GRIK4: variants seen among roughly 807,000 people sequenced by gnomAD.
The protein encoded by GRIK4 is glutamate ionotropic receptor kainate type subunit 4.
Under a neutral mutation model 104.9 loss-of-function variants are expected in GRIK4, and 40 were observed. That is an observed-to-expected ratio of 0.38 (90% CI 0.30 to 0.50). The LOEUF (loss-of-function observed/expected upper bound fraction) is 0.50. GRIK4 is among the 20% of genes least tolerant of loss of function. The probability of loss-of-function intolerance (pLI) is 0.93; values close to 1 mark genes in which losing one functional copy is unlikely to be tolerated. For missense variants in GRIK4, 1,047 were observed against 1,308.1 expected, an observed-to-expected ratio of 0.80 and a Z score of 3.08; for synonymous variants, 485 against 524.9, an observed-to-expected ratio of 0.92 and a Z score of 1.04.
At chr11:120,828,886 A>G (rs1286003852) in intron 6 of GRIK4, among the ~76,000 whole-genome samples, 1 of 152,118 alleles carries the variant, frequency 6.6e-6, no homozygotes, top group African/African-American at 2.4e-5. Context: ...TTTATCTGAC[A>G]TCTGGGGGGC....
chr11:120,649,060 G>T (rs1188221432), intron 1 of GRIK4, among the ~76,000 whole-genome samples: 1 of 152,158 alleles, frequency 6.6e-6, no homozygotes, highest in Non-Finnish European at 1.5e-5. Flanking sequence ...GAAGGGGAGG[G>T]GTGGCATGGG....
At chr11:120,715,204 A>G (rs985233216) in intron 3 of GRIK4, among the ~76,000 whole-genome samples, 18 of 152,190 alleles carry the variant, frequency 1.2e-4, no homozygotes, top group African/African-American at 4.3e-4. Context: ...CTGTGGAGCA[A>G]TAATTGAAGC....
At position 120,649,661 on chromosome 11, in the gene GRIK4, C is replaced by T. The variant is rs79332258; in HGVS notation, c.-158-4024C>T. 5.4e-3 allele frequency among the ~76,000 whole-genome samples: 818 copies of T among 152,330 alleles called. 6 individuals carry two copies. The highest frequency in any genetic ancestry group is 0.018 in the African/African-American group (767 of 41,586). On this transcript the variant is annotated intron_variant, in intron 1 of 20. Coordinates refer to ENST00000527524, the MANE Select transcript of GRIK4 (RefSeq NM_014619.5). Reference sequence around the variant, plus strand: ...CTCTTCTCCAGGCTGAGAAGCCCAGCTCTTCTCAGTCCTCCTTAGGGAAGG... The same window carrying T: ...CTCTTCTCCAGGCTGAGAAGCCCAGTTCTTCTCAGTCCTCCTTAGGGAAGG...
chr11:120,803,692 C>G (rs1952664247), intron 4 of GRIK4, among the ~76,000 whole-genome samples: 1 of 152,218 alleles, frequency 6.6e-6, no homozygotes, highest in African/African-American at 2.4e-5. Flanking sequence ...CCTACCTCAG[C>G]CTCCCAAAGT....
intron 4 of GRIK4, among the ~76,000 whole-genome samples, chr11:120,805,642 A>G (rs1165335266): frequency 3.3e-5 from 5 of 152,038 alleles, no homozygotes; most frequent in African/African-American, 1.2e-4. Flanking sequence ...GGATCTTCCC[A>G]CTCCAAAGGC....
intron 1 of GRIK4, among the ~76,000 whole-genome samples, chr11:120,645,025 A>G (rs10892590): frequency 0.19 from 29,070 of 152,198 alleles, 6,713 homozygotes; most frequent in African/African-American, 0.56. Context: ...GTATATGTAC[A>G]TGTATCAATG....
At chr11:120,517,002 G>T (rs1326114284) in intron 1 of GRIK4, among the ~76,000 whole-genome samples, 1 of 129,268 alleles carries the variant, frequency 7.7e-6, no homozygotes, top group African/African-American at 3.3e-5. Flanking sequence ...CCAGCTTAAG[G>T]CATCTCGCGT....
At chr11:120,789,867 C>T (rs1360696535) in intron 3 of GRIK4, among the ~76,000 whole-genome samples, 3 of 152,162 alleles carry the variant, frequency 2.0e-5, no homozygotes, top group African/African-American at 4.8e-5. Context: ...TAACTTAACA[C>T]ATGGGTGTTA....
chr11:120,884,824 G>A (rs981618840), intron 11 of GRIK4, among the ~76,000 whole-genome samples: 4 of 152,258 alleles, frequency 2.6e-5, no homozygotes, highest in African/African-American at 7.2e-5. Context: ...CCTGCTGTGA[G>A]CCAGCTTCCA....
chr11:120,967,191 G>A lies in GRIK4; in HGVS notation c.2267-4G>A, dbSNP rs757629159. 83 of 1,611,630 alleles carry A rather than the reference G, an allele frequency of 5.2e-5. No individual in the cohort carries two copies. The Admixed American group carries it at 9.2e-4, about 18-fold the overall frequency. On this transcript the variant is annotated splice_region_variant and splice_polypyrimidine_tract_variant and intron_variant, in intron 18 of 20. Coordinates refer to ENST00000527524, the MANE Select transcript of GRIK4 (RefSeq NM_014619.5). The surrounding 1 kb of genome is among the most constrained non-coding windows in gnomAD (Gnocchi z 4.2). ...TGTCCTGGGCTCTCCCGTAACCCCC[G>A]CAGGCTCGGTTTTCCGGGACGAGTT... is the stretch of plus-strand genomic sequence containing the variant.
intron 1 of GRIK4, 148 bp downstream of exon 1, chr11:120,512,035 TGCCCCG>T (rs1471221333): frequency 9.9e-5 from 4 of 40,374 alleles, no homozygotes; most frequent in African/African-American, 1.8e-4. Context: ...CCCGCACCCC[TGCCCCG>T]GCCCCCGCCC....
Position 120,540,568 on chromosome 11 carries a change from C to T in GRIK4, c.-159+28681C>T, listed in dbSNP as rs759293810. On this transcript the variant is annotated intron_variant, in intron 1 of 20. Coordinates refer to ENST00000527524, the MANE Select transcript of GRIK4 (RefSeq NM_014619.5). ...GATGGAGGTTGCAGTGAGCAGAGATCGTGCCACTGCGCCCCAGTCTAGGCA... is the reference window on the plus strand; with the variant it reads ...GATGGAGGTTGCAGTGAGCAGAGATTGTGCCACTGCGCCCCAGTCTAGGCA... Among the ~76,000 whole-genome samples, 27 of 152,062 alleles carry T rather than the reference C, an allele frequency of 1.8e-4. No homozygotes were observed. In the Middle Eastern group the frequency reaches 0.02, roughly 115 times the overall value.
At chr11:120,692,532 G>C (rs1950383578) in intron 3 of GRIK4, among the ~76,000 whole-genome samples, 1 of 152,170 alleles carries the variant, frequency 6.6e-6, no homozygotes, top group South Asian at 2.1e-4. Flanking sequence ...TCCCAGAACA[G>C]GAGCGGTGGA....
At chr11:120,886,252 A>T (rs571808324) in intron 11 of GRIK4, among the ~76,000 whole-genome samples, 6 of 152,356 alleles carry the variant, frequency 3.9e-5, no homozygotes, top group Middle Eastern at 3.4e-3. Context: ...TTCAGCTCTC[A>T]TACTGTAAAC....
chr11:120,673,359 C>T (rs939599081), intron 3 of GRIK4, among the ~76,000 whole-genome samples: 1 of 152,198 alleles, frequency 6.6e-6, no homozygotes, highest in Non-Finnish European at 1.5e-5. Flanking sequence ...TGGGCGGTCT[C>T]ACGGACACAG....
At chr11:120,899,403 A>G (rs1942671437) in intron 12 of GRIK4, among the ~76,000 whole-genome samples, 1 of 146,078 alleles carries the variant, frequency 6.8e-6, no homozygotes, top group Non-Finnish European at 1.5e-5. Context: ...CCTGGGTGAC[A>G]GAGTGAGACT....
intron 1 of GRIK4, among the ~76,000 whole-genome samples, chr11:120,530,906 G>A (rs1334431118): frequency 6.6e-6 from 1 of 152,200 alleles, no homozygotes. Flanking sequence ...TGTCTCTGGA[G>A]CATCATCGGC....
intron 1 of GRIK4, among the ~76,000 whole-genome samples, chr11:120,623,184 C>G (rs1949210912): frequency 6.6e-6 from 1 of 152,082 alleles, no homozygotes; most frequent in African/African-American, 2.4e-5. Context: ...GCTCTGTTGC[C>G]CAGGCTGGAG....
chr11:120,777,253 C>T (rs968166248), intron 3 of GRIK4, among the ~76,000 whole-genome samples: 1 of 152,220 alleles, frequency 6.6e-6, no homozygotes, highest in Non-Finnish European at 1.5e-5. Context: ...CTCCAGTCAC[C>T]CCCATTCCAG....
Sources: gnomAD v4.1 joint callset for allele counts (sites outside exome capture counted in the v4.1 genomes callset) on GRCh38, gnomAD v4.1.1 for gene constraint, Gnocchi (gnomAD v3.1) non-coding constraint, MANE v1.5 for transcripts, NCBI Gene and HGNC (gene_info 2026-07-23, HGNC 2026-07-21) for gene names.